The following N4BP2L2 variants were observed in gnomAD, a reference collection of about 807,000 sequenced individuals.
N4BP2L2 encodes NEDD4 binding protein 2 like 2.
A neutral mutation model predicts 56.2 loss-of-function variants in N4BP2L2; 50 were observed. The ratio of observed to expected loss-of-function variants is 0.89; its 90% CI spans 0.71 to 1.13. N4BP2L2 has a LOEUF of 1.13. N4BP2L2 is among the 50% of genes most tolerant of loss of function. The pLI is 0.00. For synonymous variants in N4BP2L2, 203 were observed against 223.6 expected (o/e 0.91, Z 0.82); for missense variants, 689 against 693.8 (o/e 0.99, Z 0.08).
intron 6 of N4BP2L2, among the ~76,000 whole-genome samples, chr13:32,495,801 A>T (rs2088452527): frequency 6.6e-6 from 1 of 152,052 alleles, no homozygotes; most frequent in South Asian, 2.1e-4. Flanking sequence ...CTCCTGCCTC[A>T]GTCTCCTGAG....
chr13:32,462,511 T>C (rs1288653538), intron 6 of N4BP2L2, among the ~76,000 whole-genome samples: 1 of 152,094 alleles, frequency 6.6e-6, no homozygotes, highest in East Asian at 1.9e-4. Flanking sequence ...ACAAACATAC[T>C]GTTATAGATA....
chr13:32,440,613 C>G (rs2076170228), intron 7 of N4BP2L2, among the ~76,000 whole-genome samples: 1 of 151,888 alleles, frequency 6.6e-6, no homozygotes, highest in South Asian at 2.1e-4. Context: ...CAGGCATGTG[C>G]CACAATTCCT....
At chr13:32,453,474 T>C (rs538057259) in intron 6 of N4BP2L2, among the ~76,000 whole-genome samples, 70 of 152,118 alleles carry the variant, frequency 4.6e-4, no homozygotes, top group African/African-American at 1.7e-3. Flanking sequence ...GAAATCTTTG[T>C]TAGTTTTTTA....
exon 3 of N4BP2L2, chr13:32,527,453 T>C: frequency 6.2e-7 from 1 of 1,614,036 alleles, no homozygotes; most frequent in Non-Finnish European, 8.5e-7. Flanking sequence ...TGATTAACAT[T>C]ATACCTGTAC....
chr13:32,438,790 C>T, intron 7 of N4BP2L2: 2 of 1,375,854 alleles, frequency 1.5e-6, no homozygotes, highest in Non-Finnish European at 2.0e-6. Flanking sequence ...CAGATTTTTG[C>T]CCTAACTGTG....
At chr13:32,447,991 A>G (rs1471945647) in intron 6 of N4BP2L2, among the ~76,000 whole-genome samples, 1 of 152,224 alleles carries the variant, frequency 6.6e-6, no homozygotes, top group Non-Finnish European at 1.5e-5. Flanking sequence ...AGGAATCTCT[A>G]AGGATTAGAA....
At chr13:32,474,527 T>TAAAA (rs34753353) in intron 6 of N4BP2L2, among the ~76,000 whole-genome samples, 1 of 136,136 alleles carries the variant, frequency 7.3e-6, no homozygotes, top group South Asian at 2.4e-4. Context: ...CTGTCTCTAC[T>TAAAA]AAAAAAAAAA....
In N4BP2L2 at chr13:32,521,392, CA is replaced by C; in HGVS notation, c.1530del (p.Phe510LeufsTer6). 8 of 1,611,674 alleles carry C rather than the reference CA, an allele frequency of 5.0e-6. No homozygotes were observed. Among genetic ancestry groups the C allele is most frequent in the Non-Finnish European group, 5.9e-6 (7 of 1,178,364 alleles). On this transcript the variant is annotated frameshift_variant, in exon 5 of 6. Transcript: ENST00000267068. LOFTEE classifies it high-confidence loss of function. ...TCTTACTTTTCTAATTCTTCAGGAT[CA>C]AATTTCCACCAAGTTTCAGGTTCAT...
At chr13:32,492,601 C>T (rs909107384) in intron 6 of N4BP2L2, among the ~76,000 whole-genome samples, 2 of 151,998 alleles carry the variant, frequency 1.3e-5, no homozygotes, top group African/African-American at 2.4e-5. Flanking sequence ...TAAGTAAATT[C>T]CATTAGTAAC....
intron 6 of N4BP2L2, among the ~76,000 whole-genome samples, chr13:32,462,026 C>T (rs1247152763): frequency 3.3e-5 from 5 of 152,260 alleles, no homozygotes; most frequent in South Asian, 4.1e-4. Flanking sequence ...TATTGAAAAC[C>T]GTATAAATAT....
chr13:32,443,640 A>G, exon 7 of N4BP2L2: 1 of 1,611,642 alleles, frequency 6.2e-7, no homozygotes. Flanking sequence ...GCCTATTTCT[A>G]ATATGCTTTT....
At chr13:32,516,835 G>C (rs2049332800) in exon 6 of N4BP2L2, 1 of 901,004 alleles carries the variant, frequency 1.1e-6, no homozygotes, top group Non-Finnish European at 1.3e-6. Context: ...TAATTATCTA[G>C]GTTAGTCTAG....
intron 2 of N4BP2L2, among the ~76,000 whole-genome samples, chr13:32,532,590 C>CTTTTTTTTTTTT (rs759146834): frequency 1.6e-5 from 2 of 128,400 alleles, no homozygotes; most frequent in African/African-American, 2.9e-5. Flanking sequence ...TTTCTTTTTT[C>CTTTTTTTTTTTT]TTTTTTTTTT....
chr13:32,474,283 T>G, intron 6 of N4BP2L2, among the ~76,000 whole-genome samples: 1 of 151,964 alleles, frequency 6.6e-6, no homozygotes, highest in Middle Eastern at 3.4e-3. Flanking sequence ...ATTACCATTA[T>G]ATTATATATA....
intron 2 of N4BP2L2, among the ~76,000 whole-genome samples, chr13:32,533,515 A>ATTTTTT (rs766383227): frequency 4.9e-5 from 6 of 122,284 alleles, no homozygotes; most frequent in African/African-American, 1.0e-4. Flanking sequence ...AGCATTACTA[A>ATTTTTT]TTTTTTTTTT....
chr13:32,436,438 A>G, intron 8 of N4BP2L2: 1 of 1,009,392 alleles, frequency 9.9e-7, no homozygotes. Flanking sequence ...ATAAAATATT[A>G]ATATTTGGCA....
rs369697726 is a variant in N4BP2L2 at position 32,433,219 on chromosome 13, C to T, written c.*22-247G>A. ...CATTCCCTGAGGATCCAGCTATGTA[C>T]ATTACAAAAAATTAAAAATAAATGC... On this transcript the variant is annotated intron_variant, in intron 9 of 9. Transcript: ENST00000357505. Among the ~76,000 whole-genome samples the T allele has an allele frequency of 1.6e-4, 24 of 152,298 alleles. No individual in the cohort carries two copies. In the South Asian group the frequency reaches 4.8e-3, roughly 30 times the overall value.
At chr13:32,489,779 A>C (rs985431513) in intron 6 of N4BP2L2, among the ~76,000 whole-genome samples, 4 of 152,078 alleles carry the variant, frequency 2.6e-5, no homozygotes, top group South Asian at 2.1e-4. Context: ...AAAAAAAAAA[A>C]AACTTGCAGT....
intron 7 of N4BP2L2, among the ~76,000 whole-genome samples, chr13:32,441,833 G>A (rs2076409846): frequency 6.7e-6 from 1 of 149,848 alleles, no homozygotes; most frequent in African/African-American, 2.4e-5. Flanking sequence ...CACGAGGTCA[G>A]GAGATCAAGA....
Sources: gnomAD v4.1 joint callset for allele counts (sites outside exome capture counted in the v4.1 genomes callset) on GRCh38, gnomAD v4.1.1 for gene constraint, MANE v1.5 for transcripts, NCBI Gene and HGNC (gene_info 2026-07-23, HGNC 2026-07-21) for gene names.